Variants in DOCK2 observed in about 807,000 individuals in gnomAD.
The protein encoded by DOCK2 is dedicator of cytokinesis 2.
DOCK2 carries 87 observed loss-of-function variants against 248.9 expected under a neutral mutation model. That is an observed-to-expected ratio of 0.35 (90% CI 0.29 to 0.42). The LOEUF is 0.42. Ranked by LOEUF, DOCK2 falls within the 10% of genes least tolerant of loss-of-function variation. The pLI is 1.00. For missense variants in DOCK2, 1,747 were observed against 2,300.2 expected (o/e 0.76, Z 4.92); for synonymous variants, 805 against 821.6 (o/e 0.98, Z 0.35).
chr5:169,921,204 T>A (rs1178970937), intron 27 of DOCK2, among the ~76,000 whole-genome samples: 1 of 152,244 alleles, frequency 6.6e-6, no homozygotes, highest in Non-Finnish European at 1.5e-5. Flanking sequence ...ATTGTGTTTG[T>A]GTTTGTGACT....
chr5:169,912,390 T>C (rs1359691087), intron 27 of DOCK2, among the ~76,000 whole-genome samples: 1 of 152,150 alleles, frequency 6.6e-6, no homozygotes, highest in Non-Finnish European at 1.5e-5. Flanking sequence ...TCTATTGGCT[T>C]TCAGGATTGT....
chr5:169,822,199 G>A (rs1171212699), intron 26 of DOCK2, among the ~76,000 whole-genome samples: 2 of 152,042 alleles, frequency 1.3e-5, no homozygotes, highest in Admixed American at 6.6e-5. Flanking sequence ...GTCAATATTC[G>A]ACAGATCCAC....
intron 27 of DOCK2, among the ~76,000 whole-genome samples, chr5:169,938,891 T>C (rs1382261127): frequency 1.3e-5 from 2 of 149,664 alleles, no homozygotes; most frequent in African/African-American, 4.9e-5. Flanking sequence ...CAAGCATTTT[T>C]CTTTCTTTTT....
intron 44 of DOCK2, among the ~76,000 whole-genome samples, chr5:170,064,647 T>C (rs1757433210): frequency 6.6e-6 from 1 of 151,524 alleles, no homozygotes; most frequent in Admixed American, 6.6e-5. Flanking sequence ...TACACATTAT[T>C]GAGGTACCAA....
chr5:169,952,348 T>A (rs1776696710), intron 27 of DOCK2, among the ~76,000 whole-genome samples: 3 of 152,114 alleles, frequency 2.0e-5, no homozygotes, highest in Admixed American at 2.0e-4. Flanking sequence ...TGCAGCATGG[T>A]CCTTTCTCCA....
rs191537063 is a variant in DOCK2 at position 169,706,324 on chromosome 5, G to A, written c.1384-1845G>A. Reference sequence around the variant, plus strand: ...AACTCTAAGCCCATAAATGTCAACAGATATAAATCTTTGTAGGCTGGAAGG... The same window carrying A: ...AACTCTAAGCCCATAAATGTCAACAAATATAAATCTTTGTAGGCTGGAAGG... On this transcript the variant is annotated intron_variant, in intron 14 of 51. Transcript: ENST00000520908. Among the ~76,000 whole-genome samples, 34 of 152,352 alleles carry A rather than the reference G, an allele frequency of 2.2e-4. No individual in the cohort carries two copies. The East Asian group carries it at 5.6e-3, about 25-fold the overall frequency.
At chr5:169,693,368 G>A (rs1176317727) in intron 9 of DOCK2, among the ~76,000 whole-genome samples, 1 of 152,170 alleles carries the variant, frequency 6.6e-6, no homozygotes, top group Non-Finnish European at 1.5e-5. Flanking sequence ...AGAGTCATGG[G>A]GAATCAGTGG....
chr5:169,991,208 A>C (rs1329607427), intron 29 of DOCK2, among the ~76,000 whole-genome samples: 5 of 152,326 alleles, frequency 3.3e-5, no homozygotes, highest in African/African-American at 1.2e-4. Flanking sequence ...GGAGTAGTAC[A>C]TGTAGTGTGT....
At chr5:169,904,326 C>A (rs993334222) in intron 27 of DOCK2, among the ~76,000 whole-genome samples, 1 of 152,152 alleles carries the variant, frequency 6.6e-6, no homozygotes, top group African/African-American at 2.4e-5. Context: ...TTTCTTGCAA[C>A]GCTGGGCTTG....
intron 22 of DOCK2, among the ~76,000 whole-genome samples, chr5:169,730,448 C>T (rs757953731): frequency 6.6e-6 from 1 of 152,068 alleles, no homozygotes; most frequent in Non-Finnish European, 1.5e-5. Context: ...ATTTGGACAG[C>T]GAGTCAGAGG....
At chr5:169,837,076 C>T (rs1338113484) in intron 26 of DOCK2, among the ~76,000 whole-genome samples, 2 of 152,130 alleles carry the variant, frequency 1.3e-5, no homozygotes, top group African/African-American at 4.8e-5. Flanking sequence ...CATCCACTCC[C>T]AGCTCACCTT....
chr5:169,689,265 G>C lies in DOCK2; in HGVS notation c.775G>C (p.Val259Leu). The C allele has an allele frequency of 6.2e-7, 1 of 1,614,150 alleles. No individual in the cohort carries two copies. The highest frequency in any genetic ancestry group is 1.1e-5 in the South Asian group (1 of 91,084). Residue 259 changes from valine (V) to leucine (L), a missense_variant, in exon 9 of 52, where the codon GTG becomes CTG. Physicochemically the swap from Val to Leu is conservative, Grantham distance 32 (BLOSUM62 1). Around this residue, in one of 4 missense-constraint regions of DOCK2, gnomAD observed 375 missense variants for 510.9 expected, o/e 0.73. Coordinates refer to ENST00000520908, the MANE Select transcript of DOCK2 (RefSeq NM_004946.3). ...TTCTTCCCACAGTGAGAACTACCTA[G>C]TGCGATGGGGCAGCCGGGGCTTCCC... ...KQTVISENYL[V>L]RWGSRGFPKE...
At chr5:170,044,175 C>A (rs1756614656) in intron 38 of DOCK2, among the ~76,000 whole-genome samples, 2 of 152,224 alleles carry the variant, frequency 1.3e-5, no homozygotes, top group South Asian at 4.1e-4. Context: ...TCCATAAGTT[C>A]ATCTTGCCAT....
intron 26 of DOCK2, among the ~76,000 whole-genome samples, chr5:169,805,603 A>G (rs1462585134): frequency 1.3e-5 from 2 of 152,154 alleles, no homozygotes; most frequent in South Asian, 2.1e-4. Context: ...GCCCCAGTTC[A>G]CAGTTATTTG....
intron 18 of DOCK2, 59 bp downstream of exon 18, chr5:169,714,270 ATGTG>A: frequency 6.2e-7 from 1 of 1,606,940 alleles, no homozygotes; most frequent in South Asian, 1.1e-5. Flanking sequence ...GTGTGTGTAC[ATGTG>A]TGTATGTGCT....
chr5:169,746,200 A>G (rs1763602211), intron 22 of DOCK2, among the ~76,000 whole-genome samples: 1 of 152,154 alleles, frequency 6.6e-6, no homozygotes, highest in African/African-American at 2.4e-5. Context: ...TGGGGAGAGA[A>G]CTAGATATAA....
chr5:169,855,943 A>G (rs992931207), intron 27 of DOCK2, among the ~76,000 whole-genome samples: 2 of 152,230 alleles, frequency 1.3e-5, no homozygotes, highest in Non-Finnish European at 2.9e-5. Context: ...GAAACTTACA[A>G]TCATGGCAGA....
intron 27 of DOCK2, among the ~76,000 whole-genome samples, chr5:169,927,086 A>C (rs1480999093): frequency 1.3e-5 from 2 of 152,230 alleles, no homozygotes; most frequent in Non-Finnish European, 2.9e-5. Flanking sequence ...AATATGCTAC[A>C]TGAAGAGTGG....
At chr5:169,714,884 AATT>A (rs1209375090) in intron 19 of DOCK2, among the ~76,000 whole-genome samples, 2 of 152,168 alleles carry the variant, frequency 1.3e-5, no homozygotes, top group African/African-American at 2.4e-5. Context: ...AATAAATGGT[AATT>A]ATTATTTTTG....
Sources: allele counts gnomAD v4.1 joint callset (sites outside exome capture counted in the v4.1 genomes callset), GRCh38; gene constraint gnomAD v4.1.1; regional missense constraint gnomAD v4.1.1; transcripts MANE v1.5; gene names NCBI Gene and HGNC (gene_info 2026-07-23, HGNC 2026-07-21).